ABCA13: variants seen among roughly 807,000 people sequenced by gnomAD.
ABCA13 encodes ATP-binding cassette sub-family A member 13.
A neutral mutation model predicts 478.7 loss-of-function variants in ABCA13; 476 were observed. That is an observed-to-expected ratio of 0.99 (90% CI 0.92 to 1.07). The LOEUF is 1.07. Ranked by LOEUF, ABCA13 falls within the 50% of genes least tolerant of loss-of-function variation. ABCA13 has a pLI of 0.00. For synonymous variants in ABCA13, 2,252 were observed against 2,158.9 expected (o/e 1.04, Z -1.20); for missense variants, 6,060 against 5,910.6 (o/e 1.03, Z -0.83).
chr7:48,382,701 T>G (rs1814580962), intron 35 of ABCA13, among the ~76,000 whole-genome samples: 1 of 152,170 alleles, frequency 6.6e-6, no homozygotes, highest in African/African-American at 2.4e-5. Context: ...AAGGGCCTGC[T>G]TTTGTTTTGC....
At position 48,248,399 on chromosome 7, in the gene ABCA13, ATGATGTCTTTTCTAG is replaced by A. The variant is rs766015188; in HGVS notation, c.1824_1838del (p.Val609_Asp613del). 1.2e-6 allele frequency: 2 copies of A among 1,613,166 alleles called. No individual in the cohort carries two copies. The highest frequency in any genetic ancestry group is 1.7e-6 in the Non-Finnish European group (2 of 1,179,484). On this transcript the variant is annotated inframe_deletion, in exon 14 of 62. Transcript: ENST00000435803. Reference sequence around the variant, plus strand: ...CTGGGAGCTGATCCCTCTCCTGAGAATGATGTCTTTTCTAGTGACTGTAAGCACCAGCTTGTCTCC... The same window carrying A: ...CTGGGAGCTGATCCCTCTCCTGAGAATGACTGTAAGCACCAGCTTGTCTCC...
chr7:48,578,686 A>G (rs190382738), intron 55 of ABCA13, among the ~76,000 whole-genome samples: 94 of 152,278 alleles, frequency 6.2e-4, no homozygotes, highest in African/African-American at 2.2e-3. Flanking sequence ...TACTTTGTGG[A>G]TATTAACAAA....
At chr7:48,312,519 C>G (rs1801927866) in intron 24 of ABCA13, among the ~76,000 whole-genome samples, 1 of 152,158 alleles carries the variant, frequency 6.6e-6, no homozygotes, top group Admixed American at 6.5e-5. Flanking sequence ...AGGGCACTGA[C>G]ATTTTTAAAG....
intron 31 of ABCA13, among the ~76,000 whole-genome samples, chr7:48,362,703 A>G (rs749172379): frequency 5.3e-5 from 8 of 151,798 alleles, no homozygotes; most frequent in Non-Finnish European, 8.8e-5. Context: ...ATAACATTAT[A>G]TAAGTAATAT....
chr7:48,318,148 G>C (rs1302135980), intron 27 of ABCA13, among the ~76,000 whole-genome samples: 1 of 152,074 alleles, frequency 6.6e-6, no homozygotes, highest in Non-Finnish European at 1.5e-5. Context: ...GGGATCATAT[G>C]AGCAGTTAAG....
intron 55 of ABCA13, among the ~76,000 whole-genome samples, chr7:48,540,257 AGGTTT>A (rs1482315069): frequency 2.0e-5 from 3 of 152,166 alleles, no homozygotes; most frequent in African/African-American, 7.2e-5. Flanking sequence ...AAGCAAAATT[AGGTTT>A]ATTTCTTCAT....
chr7:48,505,174 T>C (rs1274395836), intron 48 of ABCA13, among the ~76,000 whole-genome samples: 1 of 152,160 alleles, frequency 6.6e-6, no homozygotes, highest in East Asian at 1.9e-4. Flanking sequence ...GTTGTTGCTT[T>C]TATGAGCCGG....
intron 39 of ABCA13, among the ~76,000 whole-genome samples, chr7:48,405,325 ATGTGG>A (rs1235975732): frequency 2.6e-5 from 4 of 152,218 alleles, no homozygotes; most frequent in African/African-American, 9.6e-5. Flanking sequence ...AGGCAGTGCC[ATGTGG>A]TTTTGGTTGA....
chr7:48,420,821 C>T (rs1055099336), intron 41 of ABCA13, among the ~76,000 whole-genome samples: 7 of 151,698 alleles, frequency 4.6e-5, no homozygotes, highest in African/African-American at 1.7e-4. Context: ...TCAATTGTGC[C>T]CCTCATGTCC....
intron 55 of ABCA13, among the ~76,000 whole-genome samples, chr7:48,537,288 G>A (rs1026136082): frequency 1.3e-5 from 2 of 151,910 alleles, no homozygotes; most frequent in South Asian, 4.1e-4. Flanking sequence ...CAAATTATGA[G>A]GACTACCAAT....
intron 31 of ABCA13, among the ~76,000 whole-genome samples, chr7:48,354,568 C>G (rs948614924): frequency 6.6e-6 from 1 of 151,968 alleles, no homozygotes; most frequent in African/African-American, 2.4e-5. Context: ...CAGCCTAAAA[C>G]GTTGGAATGA....
At position 48,185,525 on chromosome 7, in the gene ABCA13, T is replaced by C. The variant is rs140709385; in HGVS notation, c.70-7434T>C. Among the ~76,000 whole-genome samples, 492 of 152,320 alleles carry C rather than the reference T, an allele frequency of 3.2e-3. 5 individuals are homozygous for C. The highest frequency in any genetic ancestry group is 0.011 in the African/African-American group (474 of 41,580). The stretch of plus-strand genomic sequence containing the variant: ...CATTGAGCCTACAGATCAATCTGGG[T>C]AGGATTAACATCTTTATGGTACTGA... On this transcript the variant is annotated intron_variant, in intron 1 of 61. Coordinates refer to ENST00000435803, the MANE Select transcript of ABCA13 (RefSeq NM_152701.5).
At chr7:48,239,642 G>A (rs1377588697) in intron 9 of ABCA13, among the ~76,000 whole-genome samples, 1 of 152,178 alleles carries the variant, frequency 6.6e-6, no homozygotes, top group African/African-American at 2.4e-5. Context: ...TCCTAGGCTT[G>A]CACACACACC....
chr7:48,220,131 A>G (rs760604359), intron 4 of ABCA13, among the ~76,000 whole-genome samples: 41 of 152,178 alleles, frequency 2.7e-4, no homozygotes, highest in Non-Finnish European at 5.3e-4. Context: ...CATCTTATTT[A>G]TAATCTATAG....
chr7:48,500,233 A>G (rs1256584329), intron 48 of ABCA13, among the ~76,000 whole-genome samples: 1 of 152,112 alleles, frequency 6.6e-6, no homozygotes, highest in African/African-American at 2.4e-5. Flanking sequence ...CCATGAAGAG[A>G]GTTCTGCTTT....
rs778211510 is a variant in ABCA13, at chr7:48,279,348, T to C, written c.8154T>C (p.Pro2718=). The C allele has an allele frequency of 1.9e-6, 3 of 1,585,972 alleles. No individual in the cohort carries two copies. Among genetic ancestry groups the C allele is most frequent in the Non-Finnish European group, 8.6e-7 (1 of 1,163,812 alleles). ...IKWEIIHEVI[P]FLDKILSQNS... ...GGGAAATAATTCATGAAGTGATCCC[T>C]TTTTTGGATAAAATATTATCACAAA... The change falls in exon 18 of 62, where the codon CCT becomes CCC. Residue 2718 remains proline (P), a synonymous_variant. Transcript: ENST00000435803.
intron 54 of ABCA13, among the ~76,000 whole-genome samples, chr7:48,527,130 G>A (rs1263941200): frequency 6.6e-6 from 1 of 152,110 alleles, no homozygotes; most frequent in African/African-American, 2.4e-5. Flanking sequence ...TTAAAAATGT[G>A]GTTTATAGCT....
At position 48,429,815 on chromosome 7, in the gene ABCA13, G is replaced by T. The variant is rs190411315; in HGVS notation, c.12565+1944G>T. Among the ~76,000 whole-genome samples, 626 of 152,264 alleles carry T rather than the reference G, an allele frequency of 4.1e-3. 1 individual carries two copies. The highest frequency in any genetic ancestry group is 6.5e-3 in the Non-Finnish European group (445 of 68,004). ...ATGCTTTCTCTGCATCTATTGAGAT[G>T]ATCATTTGTTTTTTGTTTATTTATT... is the stretch of plus-strand genomic sequence containing the variant. On this transcript the variant is annotated intron_variant, in intron 42 of 61. Transcript: ENST00000435803.
chr7:48,193,856 T>A (rs1449750438), intron 2 of ABCA13, among the ~76,000 whole-genome samples: 1 of 44,182 alleles, frequency 2.3e-5, no homozygotes, highest in African/African-American at 8.4e-5. Flanking sequence ...ATGATAGTGA[T>A]GAGAGTGATT....
Sources: gnomAD v4.1 joint callset for allele counts (sites outside exome capture counted in the v4.1 genomes callset) on GRCh38, gnomAD v4.1.1 for gene constraint, MANE v1.5 for transcripts, NCBI Gene and HGNC (gene_info 2026-07-23, HGNC 2026-07-21) for gene names.